The following NEBL variants were observed in gnomAD, a reference collection of about 807,000 sequenced individuals.
NEBL encodes the protein LIM and SH3 protein 2.
Under a neutral mutation model 140.2 loss-of-function variants are expected in NEBL, and 122 were observed. The ratio of observed to expected loss-of-function variants is 0.87; its 90% CI spans 0.75 to 1.01. The LOEUF is 1.01. NEBL is among the 50% of genes least tolerant of loss of function. The probability of loss-of-function intolerance (pLI) is 0.00; values close to 1 mark genes in which losing one functional copy is unlikely to be tolerated. For synonymous variants in NEBL, 436 were observed against 398.9 expected (o/e 1.09, Z -1.11); for missense variants, 1,365 against 1,231.3 (o/e 1.11, Z -1.62).
intron 2 of NEBL, among the ~76,000 whole-genome samples, chr10:21,161,927 G>T (rs1331522290): frequency 6.6e-6 from 1 of 152,160 alleles, no homozygotes; most frequent in African/African-American, 2.4e-5. Flanking sequence ...CCATATCTAA[G>T]GGGATGTGAT....
At chr10:20,937,800 C>T (rs1359591327) in intron 4 of NEBL, among the ~76,000 whole-genome samples, 1 of 152,200 alleles carries the variant, frequency 6.6e-6, no homozygotes, top group Non-Finnish European at 1.5e-5. Context: ...ATATCCTGTG[C>T]CTGGCTCAGA....
intron 3 of NEBL, among the ~76,000 whole-genome samples, chr10:20,996,926 A>G (rs1484506581): frequency 1.3e-5 from 2 of 152,224 alleles, no homozygotes; most frequent in African/African-American, 4.8e-5. Flanking sequence ...GCAATTGATC[A>G]ATGCCTCGGC....
intron 1 of NEBL, among the ~76,000 whole-genome samples, chr10:21,262,024 C>T (rs1158332106): frequency 6.6e-6 from 1 of 152,148 alleles, no homozygotes; most frequent in Non-Finnish European, 1.5e-5. Context: ...AAAGGCCCCT[C>T]TCTTTTGTAA....
At chr10:20,984,801 CA>C (rs916409628) in intron 3 of NEBL, among the ~76,000 whole-genome samples, 1 of 152,152 alleles carries the variant, frequency 6.6e-6, no homozygotes, top group African/African-American at 2.4e-5. Context: ...AGGTGAGCCA[CA>C]AGTGAGCTGG....
intron 2 of NEBL, among the ~76,000 whole-genome samples, chr10:21,097,221 G>A (rs1352333104): frequency 2.5e-5 from 1 of 39,662 alleles, no homozygotes; most frequent in Non-Finnish European, 8.9e-5. Flanking sequence ...GGGAGGTCCG[G>A]GGGGGGGGTG....
chr10:21,058,236 A>G (rs1835118199), intron 2 of NEBL, among the ~76,000 whole-genome samples: 1 of 152,230 alleles, frequency 6.6e-6, no homozygotes, highest in African/African-American at 2.4e-5. Flanking sequence ...GTGTCCTTGC[A>G]TTCTGCCTGC....
At chr10:20,968,707 A>G (rs1270060150) in intron 3 of NEBL, among the ~76,000 whole-genome samples, 6 of 152,218 alleles carry the variant, frequency 3.9e-5, no homozygotes, top group Non-Finnish European at 8.8e-5. Context: ...TCTCAGGCAC[A>G]TGTATTACTG....
intron 26 of NEBL, among the ~76,000 whole-genome samples, chr10:20,800,032 A>C (rs1482099123): frequency 1.3e-5 from 2 of 151,894 alleles, no homozygotes; most frequent in African/African-American, 4.8e-5. Context: ...CTCTAACATA[A>C]TTTTATTAAC....
At chr10:20,794,220 G>A (rs1836283284) in intron 26 of NEBL, among the ~76,000 whole-genome samples, 1 of 152,204 alleles carries the variant, frequency 6.6e-6, no homozygotes, top group African/African-American at 2.4e-5. Flanking sequence ...CATCAGCTGA[G>A]AGGAAGGAGG....
intron 1 of NEBL, among the ~76,000 whole-genome samples, chr10:21,258,895 A>G (rs943317740): frequency 6.6e-6 from 1 of 152,058 alleles, no homozygotes; most frequent in Non-Finnish European, 1.5e-5. Context: ...GAGGACCTGC[A>G]TTGGGTCAGG....
chr10:21,034,768 G>C (rs891897210), intron 2 of NEBL, among the ~76,000 whole-genome samples: 1 of 151,974 alleles, frequency 6.6e-6, no homozygotes, highest in African/African-American at 2.4e-5. Flanking sequence ...GATGCACTGA[G>C]GGAGGGAAAA....
upstream of NEBL, among the ~76,000 whole-genome samples, chr10:20,901,304 A>T (rs1261410773): frequency 6.6e-6 from 1 of 152,094 alleles, no homozygotes; most frequent in African/African-American, 2.4e-5. Flanking sequence ...AGCAACTGTC[A>T]GGTGGGTAAT....
chr10:21,129,339 T>C (rs947860223), intron 2 of NEBL, among the ~76,000 whole-genome samples: 6 of 152,054 alleles, frequency 3.9e-5, no homozygotes, highest in African/African-American at 1.4e-4. Flanking sequence ...CTCAAACTCC[T>C]GGGCTCAAGC....
intron 3 of NEBL, among the ~76,000 whole-genome samples, chr10:20,983,209 T>G (rs1837124665): frequency 6.6e-6 from 1 of 152,180 alleles, no homozygotes; most frequent in Non-Finnish European, 1.5e-5. Context: ...TCCATAAGTC[T>G]TGTAGAATGC....
chr10:20,962,784 T>C (rs970446492), intron 3 of NEBL, among the ~76,000 whole-genome samples: 4 of 152,178 alleles, frequency 2.6e-5, no homozygotes, highest in Non-Finnish European at 4.4e-5. Flanking sequence ...AACACTTACA[T>C]TGATCATTAA....
At chr10:20,880,397 T>A (rs1845909362) in intron 5 of NEBL, among the ~76,000 whole-genome samples, 1 of 152,090 alleles carries the variant, frequency 6.6e-6, no homozygotes, top group Admixed American at 6.5e-5. Context: ...GGGTACAATA[T>A]AGCTGGTGTT....
intron 4 of NEBL, among the ~76,000 whole-genome samples, chr10:20,917,550 T>A (rs4575164): frequency 6.6e-6 from 1 of 152,138 alleles, no homozygotes; most frequent in African/African-American, 2.4e-5. Context: ...CACATTACTA[T>A]GCATCACGTA....
intron 2 of NEBL, chr10:21,029,701 C>A: frequency 2.1e-6 from 2 of 953,470 alleles, no homozygotes; most frequent in Non-Finnish European, 3.4e-6. Context: ...CCAGTCTGGC[C>A]GTGGGTATTG....
chr10:21,072,024 G>A (rs1482389595), intron 2 of NEBL, among the ~76,000 whole-genome samples: 5 of 152,024 alleles, frequency 3.3e-5, no homozygotes, highest in Non-Finnish European at 7.4e-5. Context: ...CACCATGTTG[G>A]CCAGGCTGGT....
Sources: allele counts gnomAD v4.1 joint callset (sites outside exome capture counted in the v4.1 genomes callset), GRCh38; gene constraint gnomAD v4.1.1; transcripts MANE v1.5; gene names NCBI Gene and HGNC (gene_info 2026-07-23, HGNC 2026-07-21).